The following FGFR1 variants were observed in gnomAD, a reference collection of about 807,000 sequenced individuals.
The protein encoded by FGFR1 is fibroblast growth factor receptor 1, also known as FGFR1/PLAG1 fusion.
FGFR1 carries 18 observed loss-of-function variants against 93.7 expected under a neutral mutation model. The ratio of observed to expected loss-of-function variants is 0.19; its 90% CI spans 0.13 to 0.28. The LOEUF is 0.28. Ranked by LOEUF, FGFR1 falls within the 10% of genes least tolerant of loss-of-function variation. FGFR1 has a pLI of 1.00. For missense variants in FGFR1, 731 were observed against 1,080.4 expected (o/e 0.68, Z 4.53); for synonymous variants, 448 against 429.3 (o/e 1.04, Z -0.54).
chr8:38,418,005 C>CA lies in FGFR1; in HGVS notation c.1431-15dup, dbSNP rs1817317068. ...CCTAAGACCAGTCTTTCGGGGGAAA[C>CA]AGAGAGTGGCATAAGTTGGGGCTGG... On this transcript the variant is annotated splice_polypyrimidine_tract_variant and intron_variant, in intron 10 of 17. Transcript: ENST00000447712. The CA allele has an allele frequency of 1.2e-6, 2 of 1,614,160 alleles. No homozygotes were observed. The highest frequency in any genetic ancestry group is 2.2e-5 in the East Asian group (1 of 44,890).
At chr8:38,417,810 G>A (rs2150644264) in intron 11 of FGFR1, 60 bp downstream of exon 11, 1 of 1,613,376 alleles carries the variant, frequency 6.2e-7, no homozygotes, top group African/African-American at 1.3e-5. Context: ...TGGGCCCGAG[G>A]CCTGCTGTTT....
intron 7 of FGFR1, chr8:38,423,004 T>TC (rs1200814159): frequency 3.9e-6 from 3 of 779,050 alleles, no homozygotes. Context: ...CAGCACAGGG[T>TC]CCCATCCATC....
chr8:38,413,456 G>A lies in FGFR1; in HGVS notation c.*172C>T. The A allele has an allele frequency of 1.6e-6, 1 of 643,662 alleles. No homozygotes were observed. Among genetic ancestry groups the A allele is most frequent in the South Asian group, 2.0e-5 (1 of 50,528 alleles). 39.9% of individuals were successfully genotyped at this position (643,662 alleles called of 1,614,324 possible). On this transcript the variant is annotated 3_prime_UTR_variant, in exon 18 of 18. Coordinates refer to ENST00000447712, the MANE Select transcript of FGFR1 (RefSeq NM_023110.3). The surrounding 1 kb of genome is among the most constrained non-coding windows in gnomAD (Gnocchi z 4.2). ...ACCAGCAGGTGGAGAGGAGGTGGAG[G>A]GAGAGGTGAGCTGAGTGGGGTGAAG...
rs1586204151 is a variant in FGFR1, at chr8:38,419,817, T to A, written c.1082-82A>T. ...CCCGCTCCATTAGAAAAGCAACACC[T>A]GTCTCCTGTCCCCTGGGAACTTTTA... On this transcript the variant is annotated intron_variant, in intron 8 of 17. Transcript: ENST00000447712. 2.5e-6 allele frequency: 3 copies of A among 1,208,162 alleles called. No homozygotes were observed. The East Asian group carries it at 7.6e-5, about 30-fold the overall frequency. The allele number at this position is 1,208,162 out of a possible 1,614,324, so 74.8% of individuals were successfully genotyped here. A position where few individuals can be genotyped will look rare whatever the true frequency, so the allele number is the denominator to read the frequency against.
chr8:38,437,666 C>T (rs1392111419), intron 2 of FGFR1, among the ~76,000 whole-genome samples: 1 of 152,092 alleles, frequency 6.6e-6, no homozygotes, highest in Non-Finnish European at 1.5e-5. Flanking sequence ...TGAGGCCAGG[C>T]TGTACAGCTG....
intron 2 of FGFR1, among the ~76,000 whole-genome samples, chr8:38,442,787 A>G (rs2151140952): frequency 6.6e-6 from 1 of 152,310 alleles, no homozygotes; most frequent in East Asian, 1.9e-4. Flanking sequence ...ATGAATTAGT[A>G]GAGGCTTCAG....
Position 38,412,634 on chromosome 8 carries a change from A to C in FGFR1, c.*994T>G, listed in dbSNP as rs17176081. 1 of 233,748 alleles carries C rather than the reference A, an allele frequency of 4.3e-6. No homozygotes were observed. Among genetic ancestry groups the C allele is most frequent in the African/African-American group, 2.2e-5 (1 of 45,488 alleles). The allele number at this position is 233,748 out of a possible 1,614,324, so 14.5% of individuals were successfully genotyped here. On this transcript the variant is annotated 3_prime_UTR_variant, in exon 18 of 18. Coordinates refer to ENST00000447712, the MANE Select transcript of FGFR1 (RefSeq NM_023110.3). ...GTTACAAGGAACCTGCGCCGGGAGC[A>C]TGCGGTGCCCTCGGGACAGACCTAG...
chr8:38,422,061 T>A (rs1277343619), intron 7 of FGFR1, 120 bp from the exon 8 acceptor site: 2 of 1,209,788 alleles, frequency 1.7e-6, no homozygotes, highest in Non-Finnish European at 2.4e-6. Flanking sequence ...CCCTGACATC[T>A]TCTTTGCAAC....
In FGFR1 at chr8:38,455,986, G is replaced by A. The variant is rs927940706; in HGVS notation, c.91+1370C>T. Among the ~76,000 whole-genome samples the A allele has an allele frequency of 5.9e-5, 9 of 152,078 alleles. 1 individual carries two copies. Among genetic ancestry groups the A allele is most frequent in the Non-Finnish European group, 4.4e-5 (3 of 68,020 alleles). On this transcript the variant is annotated intron_variant, in intron 2 of 17. Transcript: ENST00000447712. ...GTGCTCCAGCTCAGACCTTGCCTTC[G>A]GTTCTGTTACTGACAGCAACATGAA... is the stretch of plus-strand genomic sequence containing the variant.
In FGFR1 at chr8:38,427,960, G is replaced by C. The variant is rs1438744929; in HGVS notation, c.582C>G (p.Gly194=). Residue 194 remains glycine, a synonymous_variant, in exon 5 of 18, where the codon GGC becomes GGG. Transcript: ENST00000447712. ...PNPTLRWLKN[G]KEFKPDHRIG... Reference sequence around the variant, plus strand: ...TTCTGTGGTCAGGTTTGAATTCTTTGCCATTTTTCAACCAGCGCAGTGTGG... The same window carrying C: ...TTCTGTGGTCAGGTTTGAATTCTTTCCCATTTTTCAACCAGCGCAGTGTGG... 6.2e-7 allele frequency: 1 copy of C among 1,614,236 alleles called. No individual in the cohort carries two copies. Among genetic ancestry groups the C allele is most frequent in the Non-Finnish European group, 8.5e-7 (1 of 1,180,048 alleles).
intron 2 of FGFR1, among the ~76,000 whole-genome samples, chr8:38,456,904 A>G (rs1252076101): frequency 6.6e-6 from 1 of 152,130 alleles, no homozygotes; most frequent in East Asian, 1.9e-4. Context: ...TCTGGAAGTC[A>G]GAGGTCTTTA....
At chr8:38,435,913 T>G (rs1825245106) in intron 2 of FGFR1, among the ~76,000 whole-genome samples, 1 of 152,230 alleles carries the variant, frequency 6.6e-6, no homozygotes, top group African/African-American at 2.4e-5. Context: ...ATGGGGATGC[T>G]GTGAGGGAAG....
At position 38,428,002 on chromosome 8, in the gene FGFR1, G is replaced by A. The variant is rs749489153; in HGVS notation, c.540C>T (p.Ser180=). ...GCAGTGTGGGGTTTGGGGTCCCACT[G>A]GAAGGGCATTTGAACTTCACTGTCT... ...AAKTVKFKCP[S]SGTPNPTLRW... Residue 180 remains serine, a synonymous_variant, in exon 5 of 18, where the codon TCC becomes TCT. Transcript: ENST00000447712. The A allele has an allele frequency of 4.3e-6, 7 of 1,614,248 alleles. No individual in the cohort carries two copies. In the South Asian group the frequency reaches 7.7e-5, roughly 18 times the overall value.
At position 38,419,738 on chromosome 8, in the gene FGFR1, G is replaced by T. The variant is rs779686092; in HGVS notation, c.1082-3C>A. The T allele has an allele frequency of 6.2e-7, 1 of 1,613,904 alleles. No homozygotes were observed. Among genetic ancestry groups the T allele is most frequent in the South Asian group, 1.1e-5 (1 of 91,038 alleles). ...CACTGCCGGCCTCTCTTCCAGGGCT[G>T]AGTCAGTGCGAACAGGGTGTTAGCA... is the stretch of plus-strand genomic sequence containing the variant. On this transcript the variant is annotated splice_polypyrimidine_tract_variant and splice_region_variant and intron_variant, in intron 8 of 17. Transcript: ENST00000447712.
rs2150646864 is a variant in FGFR1 at position 38,417,856 on chromosome 8, G to A, written c.1552+14C>T. On this transcript the variant is annotated intron_variant, in intron 11 of 17. Coordinates refer to ENST00000447712, the MANE Select transcript of FGFR1 (RefSeq NM_023110.3). ...GGACAAGATTTTCTTTGCAAGGACA[G>A]AAGCATCACTTACACTTCAACATCT... The A allele has an allele frequency of 6.2e-7, 1 of 1,614,240 alleles. No homozygotes were observed.
chr8:38,417,746 A>C, intron 11 of FGFR1, 124 bp downstream of exon 11: 1 of 1,390,422 alleles, frequency 7.2e-7, no homozygotes, highest in Non-Finnish European at 1.0e-6. Context: ...AGGTAACCCC[A>C]AGCAGGCAGC....
chr8:38,432,603 G>A (rs1303404030), intron 2 of FGFR1, among the ~76,000 whole-genome samples: 2 of 151,938 alleles, frequency 1.3e-5, no homozygotes, highest in Non-Finnish European at 2.9e-5. Context: ...AGTAGAGAAG[G>A]GGAATGTTGG....
In FGFR1 at chr8:38,412,572, C is replaced by G; in HGVS notation, c.*1056G>C. 2 of 233,398 alleles carry G rather than the reference C, an allele frequency of 8.6e-6. No homozygotes were observed. Among genetic ancestry groups the G allele is most frequent in the Non-Finnish European group, 1.7e-5 (2 of 117,952 alleles). 14.5% of individuals were successfully genotyped at this position (233,398 alleles called of 1,614,324 possible). A position where few individuals can be genotyped will look rare whatever the true frequency, so the allele number is the denominator to read the frequency against. ...AAAAGCAGCGGAGAGGCAGGAGGTG[C>G]GTCGTGAGGTCTGGGTGCAGGACCT... On this transcript the variant is annotated 3_prime_UTR_variant, in exon 18 of 18. Coordinates refer to ENST00000447712, the MANE Select transcript of FGFR1 (RefSeq NM_023110.3).
At chr8:38,434,542 A>T (rs1394574322) in intron 2 of FGFR1, 1 of 307,880 alleles carries the variant, frequency 3.2e-6, no homozygotes, top group East Asian at 7.2e-5. Context: ...CCACAAGGAG[A>T]TTTTCTTATA....
Sources: gnomAD v4.1 joint callset for allele counts (sites outside exome capture counted in the v4.1 genomes callset) on GRCh38, gnomAD v4.1.1 for gene constraint, Gnocchi (gnomAD v3.1) non-coding constraint, MANE v1.5 for transcripts, NCBI Gene and HGNC (gene_info 2026-07-23, HGNC 2026-07-21) for gene names.